The following ABCA13 variants were observed in gnomAD, a reference collection of about 807,000 sequenced individuals.
The protein encoded by ABCA13 is ATP binding cassette subfamily A member 13.
Under a neutral mutation model 478.7 loss-of-function variants are expected in ABCA13, and 476 were observed. The observed-to-expected ratio is 0.99, with a 90% CI of 0.92 to 1.07. The LOEUF (loss-of-function observed/expected upper bound fraction) is 1.07, where lower values mean the gene tolerates loss of function less well. Ranked by LOEUF, ABCA13 falls within the 50% of genes least tolerant of loss-of-function variation. The pLI, the probability that ABCA13 is intolerant of heterozygous loss-of-function variation, is 0.00. For synonymous variants in ABCA13, 2,252 were observed against 2,158.9 expected, an observed-to-expected ratio of 1.04 and a Z score of -1.20; for missense variants, 6,060 against 5,910.6, an observed-to-expected ratio of 1.03 and a Z score of -0.83.
intron 31 of ABCA13, among the ~76,000 whole-genome samples, chr7:48,358,235 G>A (rs1303434288): frequency 1.1e-5 from 1 of 91,946 alleles, no homozygotes; most frequent in Non-Finnish European, 2.3e-5. Flanking sequence ...GGGAGGGGAG[G>A]GGAGGGGAGG....
intron 51 of ABCA13, among the ~76,000 whole-genome samples, chr7:48,513,997 A>G (rs1831915057): frequency 6.6e-6 from 1 of 152,176 alleles, no homozygotes; most frequent in African/African-American, 2.4e-5. Flanking sequence ...CCACTTGTCA[A>G]ATATTTAAAT....
At chr7:48,375,512 T>C (rs929519888) in intron 34 of ABCA13, among the ~76,000 whole-genome samples, 1 of 152,192 alleles carries the variant, frequency 6.6e-6, no homozygotes, top group Non-Finnish European at 1.5e-5. Context: ...AATGATTTTC[T>C]AAAAATCTAT....
chr7:48,479,142 G>T (rs181500281), intron 45 of ABCA13, among the ~76,000 whole-genome samples: 88 of 151,672 alleles, frequency 5.8e-4, no homozygotes, highest in African/African-American at 2.0e-3. Flanking sequence ...AGTAGTGACG[G>T]GGTTTCACCG....
chr7:48,454,926 G>A (rs1825479430), intron 42 of ABCA13, 111 bp from the exon 43 acceptor site: 11 of 1,378,066 alleles, frequency 8.0e-6, no homozygotes, highest in Middle Eastern at 5.3e-4. Flanking sequence ...GGCCTGCGTC[G>A]CATTCCCATG....
At chr7:48,497,980 T>G (rs1338914618) in intron 48 of ABCA13, among the ~76,000 whole-genome samples, 1 of 152,182 alleles carries the variant, frequency 6.6e-6, no homozygotes, top group Non-Finnish European at 1.5e-5. Flanking sequence ...GTCTCATTGC[T>G]GTCAGGTAGA....
chr7:48,514,840 T>C (rs1474953678), intron 51 of ABCA13, among the ~76,000 whole-genome samples: 3 of 152,222 alleles, frequency 2.0e-5, no homozygotes, highest in East Asian at 3.8e-4. Flanking sequence ...GTTGATTGTC[T>C]TATGTAGCAA....
chr7:48,586,966 C>T (rs1789246241), intron 56 of ABCA13, among the ~76,000 whole-genome samples, 188 bp from the exon 57 acceptor site: 1 of 152,140 alleles, frequency 6.6e-6, no homozygotes, highest in South Asian at 2.1e-4. Context: ...CTGCAGAAAA[C>T]TCCCACCTGT....
chr7:48,577,577 T>C (rs1340327541), intron 55 of ABCA13, among the ~76,000 whole-genome samples: 2 of 152,100 alleles, frequency 1.3e-5, no homozygotes, highest in East Asian at 1.9e-4. Flanking sequence ...TTGAAAGAAA[T>C]TGAATCAATA....
Position 48,342,527 on chromosome 7 carries a change from C to T in ABCA13, c.10204+4072C>T, listed in dbSNP as rs187017263. Among the ~76,000 whole-genome samples the T allele has an allele frequency of 1.8e-4, 28 of 152,052 alleles. No individual in the cohort carries two copies. The East Asian group carries it at 3.9e-3, about 21-fold the overall frequency. ...CTTCTTTTACTTCTTTATTTCTTTCCGGAAGTTTTTCTGTGACTGACTTAG... is the reference window on the plus strand; with the variant it reads ...CTTCTTTTACTTCTTTATTTCTTTCTGGAAGTTTTTCTGTGACTGACTTAG... On this transcript the variant is annotated intron_variant, in intron 29 of 61. Transcript: ENST00000435803.
chr7:48,502,994 CT>C (rs1292224898), intron 48 of ABCA13, among the ~76,000 whole-genome samples: 1 of 152,162 alleles, frequency 6.6e-6, no homozygotes, highest in African/African-American at 2.4e-5. Flanking sequence ...GATCTAATTT[CT>C]CAGCAAATGT....
chr7:48,465,727 T>C (rs1826804301), intron 43 of ABCA13, among the ~76,000 whole-genome samples: 1 of 152,112 alleles, frequency 6.6e-6, no homozygotes, highest in Non-Finnish European at 1.5e-5. Flanking sequence ...GTTTTGAAAA[T>C]AGGATAAATT....
intron 3 of ABCA13, among the ~76,000 whole-genome samples, chr7:48,200,622 T>A (rs539631253): frequency 2.0e-4 from 31 of 152,138 alleles, no homozygotes; most frequent in African/African-American, 7.5e-4. Flanking sequence ...GTCAGAGGTA[T>A]AAGAAATACA....
chr7:48,312,925 A>G lies in ABCA13; in HGVS notation c.9517-142A>G, dbSNP rs566307081. 40 of 795,090 alleles carry G rather than the reference A, an allele frequency of 5.0e-5. No homozygotes were observed. In the East Asian group the frequency reaches 1.1e-3, roughly 22 times the overall value. The allele number at this position is 795,090 out of a possible 1,614,324, so 49.3% of individuals were successfully genotyped here. A position where few individuals can be genotyped will look rare whatever the true frequency, so the allele number is the denominator to read the frequency against. ...ATATACTCTAATGAAGATAACTTTC[A>G]TATAGTACCGCAAAGGCGTCTCTGA... On this transcript the variant is annotated intron_variant, in intron 24 of 61. Coordinates refer to ENST00000435803, the MANE Select transcript of ABCA13 (RefSeq NM_152701.5).
chr7:48,410,290 CT>C, intron 39 of ABCA13, among the ~76,000 whole-genome samples: 2 of 152,148 alleles, frequency 1.3e-5, no homozygotes, highest in Middle Eastern at 6.8e-3. Flanking sequence ...AGAGCACCCA[CT>C]TTTGTTCATG....
intron 58 of ABCA13, chr7:48,603,664 T>TA (rs748085736): frequency 5.3e-6 from 1 of 189,492 alleles, no homozygotes; most frequent in East Asian, 1.7e-4. Context: ...CATCAATGTT[T>TA]ATCAGGGATA....
chr7:48,230,736 A>AATCCATCCATCC (rs201232654), intron 7 of ABCA13, among the ~76,000 whole-genome samples: 4 of 149,550 alleles, frequency 2.7e-5, no homozygotes, highest in Non-Finnish European at 5.9e-5. Flanking sequence ...TTCATCCATT[A>AATCCATCCATCC]ATCCATCCAT....
intron 7 of ABCA13, among the ~76,000 whole-genome samples, chr7:48,233,210 C>A (rs576280100): frequency 6.6e-6 from 1 of 152,040 alleles, no homozygotes; most frequent in Non-Finnish European, 1.5e-5. Flanking sequence ...TTATAAGGAT[C>A]CTATGAGATA....
In ABCA13 at chr7:48,536,492, A is replaced by G. The variant is rs947998816; in HGVS notation, c.14354+8147A>G. ...GTGAAACCCCATCTCTACTAAAAAT[A>G]CAAAAATTACGTGGGCGTGGTGGTG... is the stretch of plus-strand genomic sequence containing the variant. On this transcript the variant is annotated intron_variant, in intron 55 of 61. Coordinates refer to ENST00000435803, the MANE Select transcript of ABCA13 (RefSeq NM_152701.5). Among the ~76,000 whole-genome samples, 20 of 152,060 alleles carry G rather than the reference A, an allele frequency of 1.3e-4. 1 individual carries two copies. The highest frequency in any genetic ancestry group is 1.3e-3 in the Admixed American group (20 of 15,254).
intron 55 of ABCA13, among the ~76,000 whole-genome samples, chr7:48,551,340 T>C (rs926617824): frequency 1.4e-4 from 22 of 152,018 alleles, no homozygotes; most frequent in African/African-American, 5.1e-4. Flanking sequence ...CATTTAAACT[T>C]CATCTTTAAT....
Sources: allele counts gnomAD v4.1 joint callset (sites outside exome capture counted in the v4.1 genomes callset), GRCh38; gene constraint gnomAD v4.1.1; transcripts MANE v1.5; gene names NCBI Gene and HGNC (gene_info 2026-07-23, HGNC 2026-07-21).